Variants in SYT9 observed in about 807,000 individuals in gnomAD.
The protein encoded by SYT9 is synaptotagmin 9, also known as synaptotagmin-9.
A neutral mutation model predicts 48.4 loss-of-function variants in SYT9; 22 were observed. That is an observed-to-expected ratio of 0.45 (90% confidence interval 0.32 to 0.65). SYT9 has a LOEUF of 0.65. SYT9 is among the 30% of genes least tolerant of loss of function. SYT9 has a pLI of 0.03. For missense variants in SYT9, 577 were observed against 622.0 expected (o/e 0.93, Z 0.77); for synonymous variants, 265 against 245.0 (o/e 1.08, Z -0.76).
At chr11:7,353,033 T>A (rs1481795489) in intron 3 of SYT9, among the ~76,000 whole-genome samples, 1 of 152,146 alleles carries the variant, frequency 6.6e-6, no homozygotes, top group Non-Finnish European at 1.5e-5. Context: ...ATATATGGGG[T>A]ATGTGCCCCC....
Position 7,303,055 on chromosome 11 carries a change from G to T in SYT9, c.162G>T (p.Leu54=). ...RLRDPDISVS[L]LTLVVTACGL... is the part of the protein sequence containing the mutation. ...TCTTTGCAGATATCTCAGTGAGCCT[G>T]CTGACCCTTGTGGTCACTGCCTGTG... The change falls in exon 2 of 7, where the codon CTG becomes CTT. Residue 54 remains leucine (L), a synonymous_variant. Coordinates refer to ENST00000318881, the MANE Select transcript of SYT9 (RefSeq NM_175733.4). 1 of 1,614,108 alleles carries T rather than the reference G, an allele frequency of 6.2e-7. No individual in the cohort carries two copies. Among genetic ancestry groups the T allele is most frequent in the East Asian group, 2.2e-5 (1 of 44,884 alleles).
rs191542297 is a variant in SYT9, at chr11:7,345,639, A to G, written c.1044+31698A>G. Among the ~76,000 whole-genome samples the G allele has an allele frequency of 1.2e-3, 181 of 152,326 alleles. 1 individual carries two copies. Among genetic ancestry groups the G allele is most frequent in the Non-Finnish European group, 2.0e-3 (138 of 68,022 alleles). On this transcript the variant is annotated intron_variant, in intron 3 of 6. Coordinates refer to ENST00000318881, the MANE Select transcript of SYT9 (RefSeq NM_175733.4). ...CATGTGTTCCATTTTTAACATATTC[A>G]GTTTGTGCTACCTGTGAGACATTCA...
At chr11:7,295,864 C>T (rs781049945) in intron 1 of SYT9, among the ~76,000 whole-genome samples, 1 of 152,060 alleles carries the variant, frequency 6.6e-6, no homozygotes, top group African/African-American at 2.4e-5. Flanking sequence ...GGCAAGGATT[C>T]GTTTTATTTA....
chr11:7,245,922 G>C (rs7105195), intron 1 of SYT9, among the ~76,000 whole-genome samples: 29,430 of 151,692 alleles, frequency 0.19, 3,126 homozygotes, highest in African/African-American at 0.28. Context: ...GAGTGAATCC[G>C]AGGAACCAGC....
intron 2 of SYT9, among the ~76,000 whole-genome samples, chr11:7,307,062 G>C (rs1315450070): frequency 6.6e-6 from 1 of 152,234 alleles, no homozygotes; most frequent in Non-Finnish European, 1.5e-5. Context: ...GTGTGAGGCT[G>C]GCGGAAGGCC....
At chr11:7,448,658 C>T (rs762893878) in intron 6 of SYT9, among the ~76,000 whole-genome samples, 1 of 152,236 alleles carries the variant, frequency 6.6e-6, no homozygotes, top group African/African-American at 2.4e-5. Context: ...TCCAGACATA[C>T]TGAAATAGTT....
intron 6 of SYT9, among the ~76,000 whole-genome samples, chr11:7,425,396 C>A (rs775616448): frequency 1.3e-5 from 2 of 152,108 alleles, no homozygotes; most frequent in African/African-American, 2.4e-5. Context: ...AGGAAAGGAG[C>A]AATTCACCAG....
At chr11:7,393,671 C>T (rs548040122) in intron 3 of SYT9, among the ~76,000 whole-genome samples, 33 of 152,244 alleles carry the variant, frequency 2.2e-4, no homozygotes, top group African/African-American at 7.7e-4. Flanking sequence ...CTGCCTCCAG[C>T]TCTTCTTTCT....
At chr11:7,301,802 T>C (rs555751587) in intron 1 of SYT9, among the ~76,000 whole-genome samples, 1 of 152,260 alleles carries the variant, frequency 6.6e-6, no homozygotes, top group African/African-American at 2.4e-5. Context: ...ACAGGCAGGG[T>C]TGTCCTTTAA....
At chr11:7,250,784 G>C (rs1447378820), upstream of SYT9, among the ~76,000 whole-genome samples, 1 of 152,072 alleles carries the variant, frequency 6.6e-6, no homozygotes, top group Non-Finnish European at 1.5e-5. Flanking sequence ...GTTGTGATAT[G>C]TCCGTAGAGA....
At position 7,252,136 on chromosome 11, in the gene SYT9, G is replaced by A. The variant is rs947375788; in HGVS notation, c.-51G>A. On this transcript the variant is annotated 5_prime_UTR_variant, in exon 1 of 7. Coordinates refer to ENST00000318881, the MANE Select transcript of SYT9 (RefSeq NM_175733.4). The surrounding 1 kb of genome is among the most constrained non-coding windows in gnomAD (Gnocchi z 6.3). Reference sequence around the variant, plus strand: ...GCGGCTCTGAGCTGGCAGGCGGAGGGCTGTCTCCTGCGCCCGCCTGCCCGG... The same window carrying A: ...GCGGCTCTGAGCTGGCAGGCGGAGGACTGTCTCCTGCGCCCGCCTGCCCGG... 1.8e-5 allele frequency: 24 copies of A among 1,366,684 alleles called. 1 individual carries two copies. Among genetic ancestry groups the A allele is most frequent in the South Asian group, 5.2e-5 (3 of 58,052 alleles). The allele number at this position is 1,366,684 out of a possible 1,614,324, so 84.7% of individuals were successfully genotyped here. A position where few individuals can be genotyped will look rare whatever the true frequency, so the allele number is the denominator to read the frequency against.
At chr11:7,444,578 A>G in intron 6 of SYT9, 1 of 152,188 alleles carries the variant, frequency 6.6e-6, no homozygotes, top group Admixed American at 6.5e-5. Context: ...ATGTTCTGTG[A>G]ATATATAATT....
chr11:7,428,157 G>A (rs1847501227), intron 6 of SYT9: 1 of 152,194 alleles, frequency 6.6e-6, no homozygotes, highest in South Asian at 2.1e-4. Context: ...CAAAACATAG[G>A]AGTACTTAGG....
At chr11:7,444,336 T>C (rs1370865655) in intron 6 of SYT9, 2 of 152,266 alleles carry the variant, frequency 1.3e-5, no homozygotes, top group Admixed American at 1.3e-4. Context: ...TGATGGGTCC[T>C]AGTGGGCCTC....
chr11:7,368,360 T>A (rs1414192057), intron 3 of SYT9, among the ~76,000 whole-genome samples: 1 of 152,184 alleles, frequency 6.6e-6, no homozygotes, highest in Non-Finnish European at 1.5e-5. Context: ...GTTGTTGTTG[T>A]TGTTTTACTT....
chr11:7,349,514 T>C (rs1034460620), intron 3 of SYT9, among the ~76,000 whole-genome samples: 1 of 152,020 alleles, frequency 6.6e-6, no homozygotes, highest in African/African-American at 2.4e-5. Flanking sequence ...TGAGGTGGGC[T>C]GCGGGCAGGG....
At chr11:7,340,932 G>A (rs941485440) in intron 3 of SYT9, among the ~76,000 whole-genome samples, 2 of 152,192 alleles carry the variant, frequency 1.3e-5, no homozygotes, top group Non-Finnish European at 2.9e-5. Flanking sequence ...TGTGCTGGGG[G>A]TCTGCTCCAG....
At chr11:7,244,224 T>C (rs114867823) in intron 1 of SYT9, among the ~76,000 whole-genome samples, 1 of 152,174 alleles carries the variant, frequency 6.6e-6, no homozygotes, top group African/African-American at 2.4e-5. Flanking sequence ...GTGAAAGAAA[T>C]GGACTTACAA....
intron 3 of SYT9, among the ~76,000 whole-genome samples, chr11:7,405,964 AG>A (rs1035771037): frequency 2.6e-5 from 4 of 152,160 alleles, no homozygotes; most frequent in African/African-American, 7.2e-5. Context: ...TTGTTGAACT[AG>A]GGGCTGTTCT....
Sources: gnomAD v4.1 joint callset for allele counts (sites outside exome capture counted in the v4.1 genomes callset) on GRCh38, gnomAD v4.1.1 for gene constraint, Gnocchi (gnomAD v3.1) non-coding constraint, MANE v1.5 for transcripts, NCBI Gene and HGNC (gene_info 2026-07-23, HGNC 2026-07-21) for gene names.